Variants in PRKDC observed in about 807,000 individuals in gnomAD.
PRKDC encodes DNA-dependent protein kinase catalytic subunit.
In PRKDC, 82 loss-of-function variants were observed where a neutral mutation model predicts 486.9. The ratio of observed to expected loss-of-function variants is 0.17; its 90% CI spans 0.14 to 0.20. The LOEUF is 0.20. Among genes scored for constraint, PRKDC ranks in the 10% least tolerant of loss-of-function variants. The pLI is 1.00. For synonymous variants in PRKDC, 1,895 were observed against 1,837.0 expected, an observed-to-expected ratio of 1.03 and a Z score of -0.81; for missense variants, 4,504 against 5,038.2, an observed-to-expected ratio of 0.89 and a Z score of 3.21.
chr8:47,940,277 C>T (rs904826837), intron 10 of PRKDC, among the ~76,000 whole-genome samples: 2 of 152,182 alleles, frequency 1.3e-5, no homozygotes, highest in African/African-American at 2.4e-5. Flanking sequence ...GGGAAAATGT[C>T]GTCTGAGAAG....
intron 58 of PRKDC, 118 bp from the exon 59 acceptor site, chr8:47,834,514 C>A (rs959761254): frequency 9.5e-7 from 1 of 1,049,860 alleles, no homozygotes; most frequent in African/African-American, 1.6e-5. Context: ...CAACTCCAAC[C>A]CTGGGCAGAG....
chr8:47,894,083 C>A lies in PRKDC; in HGVS notation c.3599-696G>T, dbSNP rs1051589094. On this transcript the variant is annotated intron_variant, in intron 30 of 85. Coordinates refer to ENST00000314191, the MANE Select transcript of PRKDC (RefSeq NM_006904.7). ...ATCACTTGAGGTCAAGAGTTCATGA[C>A]CAGCCTGGCCAACATGGTGAAACCC... Among the ~76,000 whole-genome samples, 6 of 152,218 alleles carry A rather than the reference C, an allele frequency of 3.9e-5. No homozygotes were observed. In the South Asian group the frequency reaches 8.3e-4, roughly 21 times the overall value.
intron 26 of PRKDC, among the ~76,000 whole-genome samples, 161 bp downstream of exon 26, chr8:47,904,708 G>C (rs559899816): frequency 6.6e-6 from 1 of 152,212 alleles, no homozygotes; most frequent in Non-Finnish European, 1.5e-5. Context: ...CAGGAGAATT[G>C]CTTGATCCTG....
intron 64 of PRKDC, among the ~76,000 whole-genome samples, chr8:47,823,431 T>C (rs1208511729): frequency 1.3e-5 from 2 of 151,666 alleles, no homozygotes; most frequent in Non-Finnish European, 2.9e-5. Context: ...CATAAAAGCT[T>C]CCCAAGGCCT....
intron 68 of PRKDC, among the ~76,000 whole-genome samples, chr8:47,808,277 G>T (rs1399501971): frequency 6.6e-6 from 1 of 151,588 alleles, no homozygotes; most frequent in Non-Finnish European, 1.5e-5. Flanking sequence ...AAATAGCCGG[G>T]GTTGGTTACA....
intron 10 of PRKDC, among the ~76,000 whole-genome samples, chr8:47,942,479 C>A (rs2090460596): frequency 6.6e-6 from 1 of 152,240 alleles, no homozygotes; most frequent in Non-Finnish European, 1.5e-5. Flanking sequence ...TCCTTCCACA[C>A]ATCCCGGCTG....
At chr8:47,845,537 C>T (rs1463517829) in intron 54 of PRKDC, among the ~76,000 whole-genome samples, 2 of 151,812 alleles carry the variant, frequency 1.3e-5, no homozygotes, top group Non-Finnish European at 2.9e-5. Flanking sequence ...AATTAGGAAA[C>T]CTAGAGGAAA....
intron 38 of PRKDC, among the ~76,000 whole-genome samples, chr8:47,880,129 G>T (rs1024976945): frequency 1.3e-5 from 2 of 152,086 alleles, no homozygotes; most frequent in Non-Finnish European, 2.9e-5. Flanking sequence ...GATTACAGGC[G>T]TGAGCCACCG....
intron 76 of PRKDC, among the ~76,000 whole-genome samples, chr8:47,786,408 T>C (rs908008039): frequency 5.3e-5 from 8 of 152,080 alleles, no homozygotes; most frequent in African/African-American, 1.7e-4. Context: ...CGAGACTCAG[T>C]CTCAAAAACA....
At chr8:47,825,166 T>C (rs1411801071) in intron 63 of PRKDC, among the ~76,000 whole-genome samples, 1 of 152,144 alleles carries the variant, frequency 6.6e-6, no homozygotes, top group Non-Finnish European at 1.5e-5. Context: ...ATCACCTACA[T>C]ACCCCTATAC....
chr8:47,935,674 T>A (rs1478387611), intron 13 of PRKDC, 58 bp downstream of exon 13: 1 of 1,544,880 alleles, frequency 6.5e-7, no homozygotes, highest in Non-Finnish European at 8.8e-7. Flanking sequence ...TTTACCTATA[T>A]CAAATAATGT....
intron 40 of PRKDC, among the ~76,000 whole-genome samples, chr8:47,873,497 T>C (rs1259368815): frequency 1.3e-5 from 2 of 151,960 alleles, no homozygotes; most frequent in African/African-American, 2.4e-5. Context: ...TGAGCCGAGA[T>C]CATGCCACTG....
At chr8:47,850,310 G>A (rs893150152) in intron 52 of PRKDC, among the ~76,000 whole-genome samples, 1 of 152,204 alleles carries the variant, frequency 6.6e-6, no homozygotes, top group African/African-American at 2.4e-5. Flanking sequence ...AACACAGACT[G>A]AGCGCCTCAA....
chr8:47,948,289 T>C (rs989343239), intron 7 of PRKDC, among the ~76,000 whole-genome samples: 2 of 151,164 alleles, frequency 1.3e-5, no homozygotes, highest in Non-Finnish European at 2.9e-5. Context: ...TTTGTATTTT[T>C]AGTAGAGACG....
chr8:47,891,645 G>A lies in PRKDC; in HGVS notation c.3848-1165C>T, dbSNP rs374871468. ...TGAGGCAGGAGAATGGCATGATCCCGGGAGGATGAGCTTGCAGTGAGCCAA... is the reference window on the plus strand; with the variant it reads ...TGAGGCAGGAGAATGGCATGATCCCAGGAGGATGAGCTTGCAGTGAGCCAA... On this transcript the variant is annotated intron_variant, in intron 31 of 85. Coordinates refer to ENST00000314191, the MANE Select transcript of PRKDC (RefSeq NM_006904.7). Among the ~76,000 whole-genome samples, 586 of 152,068 alleles carry A rather than the reference G, an allele frequency of 3.9e-3. 4 individuals are homozygous for A. Among genetic ancestry groups the A allele is most frequent in the South Asian group, 0.025 (120 of 4,808 alleles).
chr8:47,865,651 C>A (rs565312614), intron 40 of PRKDC, among the ~76,000 whole-genome samples: 2 of 151,984 alleles, frequency 1.3e-5, no homozygotes, highest in South Asian at 4.2e-4. Context: ...AGTTAGATAA[C>A]CAGGTCAAAA....
chr8:47,893,245 T>C lies in PRKDC; in HGVS notation c.3741A>G (p.Pro1247=), dbSNP rs373094271. 5 of 1,612,474 alleles carry C rather than the reference T, an allele frequency of 3.1e-6. No individual in the cohort carries two copies. The highest frequency in any genetic ancestry group is 1.1e-5 in the South Asian group (1 of 90,808). The stretch of plus-strand genomic sequence containing the variant: ...AGCATAGCGTGGCCTGCAGGCTGAA[T>C]GGCCCCCGAAGGTACAAGAGGGTGG... The part of the protein sequence containing the change: ...AQPTLLYLRG[P]FSLQATLCWL... Residue 1247 remains proline (P), a synonymous_variant, in exon 31 of 86, where the codon CCA becomes CCG. Coordinates refer to ENST00000314191, the MANE Select transcript of PRKDC (RefSeq NM_006904.7).
intron 64 of PRKDC, among the ~76,000 whole-genome samples, chr8:47,823,495 C>T (rs964446657): frequency 6.6e-6 from 1 of 151,904 alleles, no homozygotes; most frequent in Non-Finnish European, 1.5e-5. Flanking sequence ...CCCGTGGAAC[C>T]GTGAACCAAT....
intron 51 of PRKDC, 120 bp from the exon 52 acceptor site, chr8:47,852,904 T>C (rs1220681490): frequency 1.3e-5 from 9 of 676,214 alleles, no homozygotes; most frequent in Non-Finnish European, 2.0e-5. Flanking sequence ...AATCTAAATA[T>C]AGAATGTGAT....
Sources: allele counts gnomAD v4.1 joint callset (sites outside exome capture counted in the v4.1 genomes callset), GRCh38; gene constraint gnomAD v4.1.1; transcripts MANE v1.5; gene names NCBI Gene and HGNC (gene_info 2026-07-23, HGNC 2026-07-21).